Variants in GNG8 observed in about 807,000 individuals in gnomAD.
GNG8 encodes the protein guanine nucleotide-binding protein G(I)/G(S)/G(O) subunit gamma-8.
A neutral mutation model predicts 4.6 loss-of-function variants in GNG8; 3 were observed. The observed-to-expected ratio is 0.65, with a 90% confidence interval of 0.29 to 1.67. GNG8 has a LOEUF of 1.67. GNG8 is among the 40% of genes most tolerant of loss of function. The pLI, the probability that GNG8 is intolerant of heterozygous loss-of-function variation, is 0.10. For synonymous variants in GNG8, 32 were observed against 40.5 expected (o/e 0.79, Z 0.80); for missense variants, 88 against 95.2 (o/e 0.92, Z 0.32).
rs773234075 is a variant in GNG8, at chr19:46,634,694, G to A, written c.-12C>T. ...ATGTTGTTGGACATGGTTGCGGCGG[G>A]GAAGGGGTTAAAAGACGCGCGGGAG... is the stretch of plus-strand genomic sequence containing the variant. On this transcript the variant is annotated 5_prime_UTR_variant, in exon 2 of 3. Transcript: ENST00000693335. The A allele has an allele frequency of 1.9e-5, 30 of 1,612,294 alleles. No individual in the cohort carries two copies. Among genetic ancestry groups the A allele is most frequent in the Non-Finnish European group, 2.4e-5 (28 of 1,179,486 alleles).
intron 1 of GNG8, among the ~76,000 whole-genome samples, chr19:46,635,069 C>T (rs1338364579): frequency 6.6e-6 from 1 of 152,034 alleles, no homozygotes; most frequent in Non-Finnish European, 1.5e-5. Flanking sequence ...CTCCCCCAGG[C>T]CAATTAGCAG....
rs1482594140 is a variant in GNG8 at position 46,633,969 on chromosome 19, C to T, written c.*107G>A. The T allele has an allele frequency of 2.2e-6, 3 of 1,357,716 alleles. No individual in the cohort carries two copies. Among genetic ancestry groups the T allele is most frequent in the Non-Finnish European group, 3.0e-6 (3 of 987,022 alleles). The allele number at this position is 1,357,716 out of a possible 1,614,324, so 84.1% of individuals were successfully genotyped here. A position where few individuals can be genotyped will look rare whatever the true frequency, so the allele number is the denominator to read the frequency against. On this transcript the variant is annotated 3_prime_UTR_variant, in exon 3 of 3. Transcript: ENST00000693335. ...GGACACAGCTTCCCCTACGGTGGCC[C>T]CAAGCTCTGTGCGTGCCTCAGTCTC...
intron 1 of GNG8, among the ~76,000 whole-genome samples, chr19:46,635,263 C>A (rs113189517): frequency 1.3e-5 from 2 of 151,452 alleles, no homozygotes; most frequent in Non-Finnish European, 2.9e-5. Flanking sequence ...GAGCCCAACT[C>A]GGGCACCTGA....
upstream of GNG8, among the ~76,000 whole-genome samples, chr19:46,636,513 A>C (rs1370102525): frequency 6.6e-6 from 1 of 152,150 alleles, no homozygotes; most frequent in Non-Finnish European, 1.5e-5. Context: ...CCGCTCACTC[A>C]GCCACACTCG....
chr19:46,634,349 C>T (rs1340081685), intron 2 of GNG8, 145 bp from the exon 3 acceptor site: 7 of 980,952 alleles, frequency 7.1e-6, no homozygotes, highest in Non-Finnish European at 1.0e-5. Flanking sequence ...GCCCCCTCGT[C>T]CTGGCCCCTC....
chr19:46,636,601 C>T (rs1384872046), upstream of GNG8, among the ~76,000 whole-genome samples: 1 of 152,198 alleles, frequency 6.6e-6, no homozygotes, highest in African/African-American at 2.4e-5. Flanking sequence ...TGCCCTGTCA[C>T]ACGGTAGCAC....
intron 1 of GNG8, among the ~76,000 whole-genome samples, 134 bp from the exon 2 acceptor site, chr19:46,634,859 G>A (rs1393578602): frequency 6.6e-6 from 1 of 152,006 alleles, no homozygotes; most frequent in Non-Finnish European, 1.5e-5. Context: ...CAGATGAAGG[G>A]GACAGGAACA....
chr19:46,634,137 G>A lies in GNG8; in HGVS notation c.152C>T (p.Thr51Met). The change falls in exon 3 of 3, where the codon ACG (threonine) becomes ATG (methionine). Residue 51 changes from threonine (T) to methionine (M), a missense_variant. Coordinates refer to ENST00000693335, the MANE Select transcript of GNG8 (RefSeq NM_033258.2). Reference sequence around the variant, plus strand: ...GGGGTTCTCCGCGGCGGGTACTGGCGTCACCAGCGGGTCATCTTTGGCATG... The same window carrying A: ...GGGGTTCTCCGCGGCGGGTACTGGCATCACCAGCGGGTCATCTTTGGCATG... ...ETHAKDDPLV[T>M]PVPAAENPFR... is the part of the protein sequence containing the mutation. 6.2e-7 allele frequency: 1 copy of A among 1,613,720 alleles called. No individual in the cohort carries two copies. The highest frequency in any genetic ancestry group is 8.5e-7 in the Non-Finnish European group (1 of 1,179,984).
chr19:46,639,259 G>A (rs940555520), upstream of GNG8: 22 of 152,520 alleles, frequency 1.4e-4, no homozygotes, highest in African/African-American at 5.1e-4. The surrounding 1 kb of genome is among the most constrained non-coding windows in gnomAD (Gnocchi z 5.2). Flanking sequence ...TTCTAAGGGG[G>A]CGTGCCCCTC....
At chr19:46,637,938 G>A (rs2052879028), upstream of GNG8, 1 of 145,124 alleles carries the variant, frequency 6.9e-6, no homozygotes, top group African/African-American at 2.7e-5. Flanking sequence ...GGCCAACACA[G>A]ACTGACACTC....
At chr19:46,635,463 G>T (rs2122394093) in intron 1 of GNG8, among the ~76,000 whole-genome samples, 1 of 128,098 alleles carries the variant, frequency 7.8e-6, no homozygotes, top group African/African-American at 3.1e-5. Flanking sequence ...CAAGGAACAG[G>T]GTGATACAAG....
chr19:46,634,148 G>T lies in GNG8; in HGVS notation c.141C>A (p.Asp47Glu). Residue 47 changes from aspartate to glutamate, a missense_variant, in exon 3 of 3, where the codon GAC becomes GAA. Physicochemically the swap from Asp to Glu is conservative, Grantham distance 45 (BLOSUM62 2). Coordinates refer to ENST00000693335, the MANE Select transcript of GNG8 (RefSeq NM_033258.2). ...CGGCGGGTACTGGCGTCACCAGCGGGTCATCTTTGGCATGCGTCTCGCAGA... is the reference window on the plus strand; with the variant it reads ...CGGCGGGTACTGGCGTCACCAGCGGTTCATCTTTGGCATGCGTCTCGCAGA... The part of the protein sequence containing the change: ...LAFCETHAKD[D>E]PLVTPVPAAE... 1 of 1,613,688 alleles carries T rather than the reference G, an allele frequency of 6.2e-7. No homozygotes were observed.
At chr19:46,638,458 A>G (rs1386709501), upstream of GNG8, 1 of 152,740 alleles carries the variant, frequency 6.5e-6, no homozygotes, top group Non-Finnish European at 1.5e-5. The surrounding 1 kb of genome is among the most constrained non-coding windows in gnomAD (Gnocchi z 4.7). Context: ...ACTGCACACC[A>G]TCTCACGGCA....
At chr19:46,638,537 G>T (rs1213503566), upstream of GNG8, 1 of 153,082 alleles carries the variant, frequency 6.5e-6, no homozygotes, top group Non-Finnish European at 1.5e-5. This position sits in a 1 kb window ranked among gnomAD's most constrained non-coding sequence, Gnocchi z 4.7. Context: ...AGATCTCCTG[G>T]AGTCACACAC....
intron 2 of GNG8, 57 bp downstream of exon 2, chr19:46,634,542 C>A: frequency 1.3e-5 from 19 of 1,484,876 alleles, no homozygotes; most frequent in Non-Finnish European, 1.6e-5. Context: ...GCCGACACAG[C>A]CCCGGACAGA....
At chr19:46,634,267 C>G (rs1388776839) in intron 2 of GNG8, 63 bp from the exon 3 acceptor site, 1 of 1,529,898 alleles carries the variant, frequency 6.5e-7, no homozygotes, top group African/African-American at 1.4e-5. Context: ...CCCACTTAGG[C>G]CCCGCCTCTT....
chr19:46,637,479 C>T (rs2052876278), upstream of GNG8: 1 of 152,630 alleles, frequency 6.6e-6, no homozygotes, highest in Non-Finnish European at 1.5e-5. Flanking sequence ...ACAAGGCCTC[C>T]CTCACGCTCT....
Position 46,634,611 on chromosome 19 carries a change from G to T in GNG8, c.72C>A (p.Ile24=). Residue 24 remains isoleucine, a synonymous_variant, in exon 2 of 3, where the codon ATC becomes ATA. Coordinates refer to ENST00000693335, the MANE Select transcript of GNG8 (RefSeq NM_033258.2). ...CCCGACCCAGCACCTTCATGCGGTC[G>T]ATGTTCACCTCCAGCTTCAGCTGTT... ...TVEQLKLEVN[I]DRMKVSQAAA... 6.2e-7 allele frequency: 1 copy of T among 1,612,726 alleles called. No individual in the cohort carries two copies. The highest frequency in any genetic ancestry group is 1.1e-5 in the South Asian group (1 of 91,042).
At chr19:46,634,573 C>T (rs774520632) in intron 2 of GNG8, 26 bp downstream of exon 2, 19 of 1,596,418 alleles carry the variant, frequency 1.2e-5, no homozygotes, top group Non-Finnish European at 1.5e-5. Context: ...AGAACCCCCG[C>T]CCTATTCCCC....
Sources: gnomAD v4.1 joint callset for allele counts (sites outside exome capture counted in the v4.1 genomes callset) on GRCh38, gnomAD v4.1.1 for gene constraint, Gnocchi (gnomAD v3.1) non-coding constraint, MANE v1.5 for transcripts, NCBI Gene and HGNC (gene_info 2026-07-23, HGNC 2026-07-21) for gene names.